Variants in NSF observed in about 807,000 individuals in gnomAD.
The protein encoded by NSF is N-ethylmaleimide sensitive factor, vesicle fusing ATPase, also known as vesicle-fusing ATPase.
NSF carries 14 observed loss-of-function variants against 50.3 expected under a neutral mutation model. The ratio of observed to expected loss-of-function variants is 0.28; its 90% CI spans 0.18 to 0.44. The LOEUF (loss-of-function observed/expected upper bound fraction) is 0.44, where lower values mean the gene tolerates loss of function less well. Ranked by LOEUF, NSF falls within the 20% of genes least tolerant of loss-of-function variation. NSF has a pLI of 1.00. For synonymous variants in NSF, 109 were observed against 175.7 expected (o/e 0.62, Z 3.00); for missense variants, 218 against 504.3 (o/e 0.43, Z 5.44).
chr17:46,610,153 T>G (rs2058003689), intron 1 of NSF, among the ~76,000 whole-genome samples: 1 of 106,816 alleles, frequency 9.4e-6, no homozygotes, highest in African/African-American at 3.5e-5. Flanking sequence ...TTTTGTAGAG[T>G]TTGGGTCTCA....
intron 15 of NSF, chr17:46,721,825 T>C (rs2058833684): frequency 1.9e-6 from 3 of 1,597,642 alleles, no homozygotes; most frequent in African/African-American, 1.3e-5. Flanking sequence ...TGGGACACTT[T>C]TGCTTATTTT....
intron 16 of NSF, 46 bp from the exon 17 acceptor site, chr17:46,728,809 G>T (rs1598721893): frequency 5.8e-6 from 7 of 1,212,434 alleles, no homozygotes; most frequent in African/African-American, 1.6e-5. Flanking sequence ...TTTGGAATAT[G>T]TACATGTGTA....
chr17:46,691,953 A>G (rs983482251), intron 9 of NSF, among the ~76,000 whole-genome samples: 4 of 150,458 alleles, frequency 2.7e-5, no homozygotes, highest in African/African-American at 9.9e-5. Context: ...GGGTTTCACC[A>G]TGTTGGCCAG....
At chr17:46,747,702 G>A (rs910828138) in intron 17 of NSF, among the ~76,000 whole-genome samples, 3 of 152,164 alleles carry the variant, frequency 2.0e-5, no homozygotes, top group African/African-American at 7.2e-5. Context: ...AGATAAAATT[G>A]ATACTAACCT....
At chr17:46,666,120 A>G (rs1308203727) in intron 8 of NSF, among the ~76,000 whole-genome samples, 3 of 151,062 alleles carry the variant, frequency 2.0e-5, no homozygotes, top group African/African-American at 7.3e-5. Flanking sequence ...AGTAGTTGCA[A>G]TTGGCAAGAT....
At chr17:46,746,735 G>A (rs984146799) in intron 17 of NSF, among the ~76,000 whole-genome samples, 1 of 152,176 alleles carries the variant, frequency 6.6e-6, no homozygotes, top group Non-Finnish European at 1.5e-5. Context: ...GCTCCATCAT[G>A]TATTGGTTAT....
rs2058809830 is a variant in NSF, at chr17:46,719,797, G to T, written c.1761+5811G>T. Among the ~76,000 whole-genome samples the T allele has an allele frequency of 6.6e-6, 1 of 152,154 alleles. No homozygotes were observed. Among genetic ancestry groups the T allele is most frequent in the Non-Finnish European group, 1.5e-5 (1 of 68,028 alleles). Reference sequence around the variant, plus strand: ...TTTTAACTAATTACCTAATCTTGATGCTTTCTGAGTATACAATCAGTAGAG... The same window carrying T: ...TTTTAACTAATTACCTAATCTTGATTCTTTCTGAGTATACAATCAGTAGAG... On this transcript the variant is annotated intron_variant, in intron 15 of 20. Coordinates refer to ENST00000398238, the MANE Select transcript of NSF (RefSeq NM_006178.4). This position sits in a 1 kb window ranked among gnomAD's most constrained non-coding sequence, Gnocchi z 4.3.
chr17:46,718,231 C>T (rs1175698218), intron 15 of NSF, among the ~76,000 whole-genome samples: 3 of 152,202 alleles, frequency 2.0e-5, no homozygotes, highest in Non-Finnish European at 4.4e-5. Flanking sequence ...AGCCCCAACA[C>T]GTGCACCCCT....
chr17:46,723,043 G>A (rs886807587), intron 15 of NSF, among the ~76,000 whole-genome samples: 2 of 152,216 alleles, frequency 1.3e-5, no homozygotes, highest in African/African-American at 4.8e-5. Context: ...CAACTGTGAA[G>A]TGATTTGGAA....
intron 17 of NSF, among the ~76,000 whole-genome samples, chr17:46,742,053 A>C (rs2059078732): frequency 6.6e-6 from 1 of 152,186 alleles, no homozygotes; most frequent in Admixed American, 6.5e-5. Context: ...TGCACTGGCC[A>C]ATAGTACTTG....
In NSF at chr17:46,755,702, C is replaced by G. The variant is rs535993222; in HGVS notation, c.2214-100C>G. 151 of 1,298,294 alleles carry G rather than the reference C, an allele frequency of 1.2e-4. 1 individual carries two copies. The South Asian group carries it at 1.9e-3, about 16-fold the overall frequency. 80.4% of individuals were successfully genotyped at this position (1,298,294 alleles called of 1,614,324 possible). On this transcript the variant is annotated intron_variant, in intron 20 of 20. Transcript: ENST00000398238. Reference sequence around the variant, plus strand: ...ATGCATAGTGGGAAATGTAGGATAACCATTAAGAAGCTTTTAGTGATTTTT... The same window carrying G: ...ATGCATAGTGGGAAATGTAGGATAAGCATTAAGAAGCTTTTAGTGATTTTT...
intron 15 of NSF, among the ~76,000 whole-genome samples, chr17:46,724,046 T>G (rs2058861323): frequency 6.6e-6 from 1 of 152,210 alleles, no homozygotes; most frequent in African/African-American, 2.4e-5. Flanking sequence ...CAACACCACT[T>G]TATTTTAATT....
chr17:46,707,456 G>A (rs1228200767), intron 13 of NSF, among the ~76,000 whole-genome samples: 1 of 151,870 alleles, frequency 6.6e-6, no homozygotes, highest in Non-Finnish European at 1.5e-5. Context: ...TCATAATGTT[G>A]TATAATCATC....
At chr17:46,726,670 C>A in intron 16 of NSF, 55 bp downstream of exon 16, 1 of 1,427,682 alleles carries the variant, frequency 7.0e-7, no homozygotes, top group Non-Finnish European at 9.9e-7. Context: ...GCTAATATCT[C>A]AAAAGTTACA....
chr17:46,609,920 G>A (rs1223419950), intron 1 of NSF, among the ~76,000 whole-genome samples: 2 of 142,438 alleles, frequency 1.4e-5, no homozygotes, highest in East Asian at 1.9e-4. Flanking sequence ...TGACCTCCTG[G>A]GCTCAAACCT....
chr17:46,704,706 T>TA (rs2058641845), intron 12 of NSF, 53 bp from the exon 13 acceptor site: 1 of 1,583,136 alleles, frequency 6.3e-7, no homozygotes. Flanking sequence ...AATATATTCT[T>TA]AACTATTCTT....
chr17:46,708,823 T>TATA (rs368512144), intron 13 of NSF, among the ~76,000 whole-genome samples: 1,795 of 59,110 alleles, frequency 0.03, 21 homozygotes, highest in East Asian at 0.046. Context: ...TATATATATA[T>TATA]TTTTTTTTTT....
intron 17 of NSF, among the ~76,000 whole-genome samples, chr17:46,746,569 G>T (rs1169872676): frequency 6.6e-6 from 1 of 151,990 alleles, no homozygotes; most frequent in Non-Finnish European, 1.5e-5. Context: ...CTTTACTGAA[G>T]ACTTATCTAT....
intron 17 of NSF, among the ~76,000 whole-genome samples, chr17:46,740,320 A>G (rs1012559321): frequency 3.9e-5 from 6 of 152,210 alleles, no homozygotes; most frequent in African/African-American, 1.4e-4. Context: ...TGAGAAGGCA[A>G]ATTTTGAAAC....
Sources: gnomAD v4.1 joint callset for allele counts (sites outside exome capture counted in the v4.1 genomes callset) on GRCh38, gnomAD v4.1.1 for gene constraint, Gnocchi (gnomAD v3.1) non-coding constraint, MANE v1.5 for transcripts, NCBI Gene and HGNC (gene_info 2026-07-23, HGNC 2026-07-21) for gene names.